NAV2: variants seen among roughly 807,000 people sequenced by gnomAD.
The protein encoded by NAV2 is helicase, APC down-regulated 1.
In NAV2, 54 loss-of-function variants were observed where a neutral mutation model predicts 223.2. That is an observed-to-expected ratio of 0.24 (90% CI 0.19 to 0.30). The LOEUF is 0.30. Ranked by LOEUF, NAV2 falls within the 10% of genes least tolerant of loss-of-function variation. The pLI is 1.00. For missense variants in NAV2, 2,806 were observed against 3,147.5 expected (o/e 0.89, Z 2.60); for synonymous variants, 1,279 against 1,239.3 (o/e 1.03, Z -0.67).
chr11:19,354,361 G>A (rs1214264854), intron 1 of NAV2, among the ~76,000 whole-genome samples: 2 of 152,186 alleles, frequency 1.3e-5, no homozygotes, highest in East Asian at 3.9e-4. Context: ...TACTAGTGTG[G>A]CCAAATTTTA....
At chr11:19,643,595 T>C (rs1212859955) in intron 1 of NAV2, among the ~76,000 whole-genome samples, 2 of 152,206 alleles carry the variant, frequency 1.3e-5, no homozygotes, top group Non-Finnish European at 2.9e-5. Context: ...TCCAAGTCTT[T>C]GTAATTGTGA....
intron 26 of NAV2, among the ~76,000 whole-genome samples, chr11:20,086,018 G>C (rs2060420573): frequency 6.6e-6 from 1 of 152,212 alleles, no homozygotes; most frequent in Non-Finnish European, 1.5e-5. Context: ...CAAGGAGCCT[G>C]ATGTAGAAAC....
intron 1 of NAV2, among the ~76,000 whole-genome samples, chr11:19,407,228 A>G (rs1259420245): frequency 1.3e-5 from 2 of 152,220 alleles, no homozygotes; most frequent in African/African-American, 4.8e-5. Context: ...TGGAAAGACC[A>G]CAAACAAGGC....
chr11:19,496,724 T>C (rs1423922514), intron 1 of NAV2, among the ~76,000 whole-genome samples: 3 of 152,160 alleles, frequency 2.0e-5, no homozygotes, highest in African/African-American at 7.2e-5. Flanking sequence ...AGGACTGTCT[T>C]AGAGGCTGGC....
intron 32 of NAV2, 126 bp downstream of exon 32, chr11:20,101,298 G>A: frequency 1.4e-6 from 1 of 732,210 alleles, no homozygotes; most frequent in Non-Finnish European, 2.3e-6. Flanking sequence ...AAAGCCAAGT[G>A]AAAGAGGTCC....
At chr11:19,798,804 A>T (rs1324536547) in intron 1 of NAV2, among the ~76,000 whole-genome samples, 1 of 152,172 alleles carries the variant, frequency 6.6e-6, no homozygotes, top group African/African-American at 2.4e-5. Flanking sequence ...GAGATTTTAA[A>T]ATCTAGGTTT....
intron 8 of NAV2, among the ~76,000 whole-genome samples, chr11:19,943,971 G>A (rs986262404): frequency 2.6e-5 from 4 of 152,072 alleles, no homozygotes; most frequent in African/African-American, 9.7e-5. Context: ...GCCGAGGTGG[G>A]TGGATCACCT....
rs921332722 is a variant in NAV2 at position 19,850,933 on chromosome 11, G to C, written c.438+8010G>C. On this transcript the variant is annotated intron_variant, in intron 3 of 37. Transcript: ENST00000349880. ...CTTAGACCTTGATGCCATTTAATGT[G>C]CTCTGCCAGGGGCCAGCTGTGGGTT... Among the ~76,000 whole-genome samples the C allele has an allele frequency of 4.6e-5, 7 of 152,142 alleles. No individual in the cohort carries two copies. In the East Asian group the frequency reaches 1.3e-3, roughly 29 times the overall value.
intron 1 of NAV2, among the ~76,000 whole-genome samples, chr11:19,697,301 T>A (rs183032209): frequency 6.6e-6 from 1 of 152,106 alleles, no homozygotes; most frequent in East Asian, 1.9e-4. Flanking sequence ...GAGGTGGGCA[T>A]GGGCTGAAGA....
intron 15 of NAV2, 100 bp from the exon 16 acceptor site, chr11:20,049,736 A>T: frequency 8.9e-7 from 1 of 1,129,664 alleles, no homozygotes; most frequent in East Asian, 2.3e-5. Flanking sequence ...GAAGAAAGCG[A>T]GGATCAGCAT....
chr11:19,715,813 A>G (rs769553055), intron 1 of NAV2, among the ~76,000 whole-genome samples: 4 of 152,016 alleles, frequency 2.6e-5, no homozygotes, highest in Admixed American at 6.6e-5. Context: ...CTCGCCCTCA[A>G]TGGGCCCTTG....
intron 1 of NAV2, among the ~76,000 whole-genome samples, chr11:19,383,820 G>T (rs940820247): frequency 2.0e-5 from 3 of 152,230 alleles, no homozygotes; most frequent in Non-Finnish European, 2.9e-5. Flanking sequence ...TGAGAGAGTA[G>T]TTAGACAATA....
intron 10 of NAV2, among the ~76,000 whole-genome samples, chr11:19,972,596 G>A (rs955766832): frequency 6.6e-6 from 1 of 152,168 alleles, no homozygotes; most frequent in Admixed American, 6.5e-5. Flanking sequence ...CTTTGTGTTT[G>A]TACATGCGTG....
intron 10 of NAV2, chr11:19,981,389 A>G (rs2050270206): frequency 1.3e-5 from 2 of 152,210 alleles, no homozygotes; most frequent in Admixed American, 1.3e-4. Flanking sequence ...ACCAGGCCCC[A>G]CAGTCTGGCC....
At chr11:19,496,382 G>A (rs535171950) in intron 1 of NAV2, among the ~76,000 whole-genome samples, 2 of 152,248 alleles carry the variant, frequency 1.3e-5, no homozygotes, top group East Asian at 3.9e-4. Context: ...ATGTTTTCTG[G>A]GGCTGCATTC....
At chr11:20,024,403 C>T (rs1334543259) in intron 11 of NAV2, among the ~76,000 whole-genome samples, 1 of 152,122 alleles carries the variant, frequency 6.6e-6, no homozygotes, top group Non-Finnish European at 1.5e-5. Context: ...AGGCCAGTGA[C>T]CTTGGAGCTG....
rs191484378 is a variant in NAV2 at position 19,671,950 on chromosome 11, C to T, written c.76-160534C>T. On this transcript the variant is annotated intron_variant, in intron 1 of 37. Transcript: ENST00000360655. ...GCTTGATTCATGTCCGCAGAAAATG[C>T]CCTGTCTAGAGGGAGAGACATTCAC... 2.0e-3 allele frequency among the ~76,000 whole-genome samples: 305 copies of T among 152,266 alleles called. 2 individuals carry two copies. Among genetic ancestry groups the T allele is most frequent in the African/African-American group, 6.9e-3 (286 of 41,552 alleles).
chr11:19,467,420 G>A (rs1852407425), intron 1 of NAV2, among the ~76,000 whole-genome samples: 1 of 152,104 alleles, frequency 6.6e-6, no homozygotes, highest in Non-Finnish European at 1.5e-5. Context: ...AAGATTTTTA[G>A]AAGTAAGTTA....
intron 3 of NAV2, among the ~76,000 whole-genome samples, chr11:19,857,172 C>G (rs140232089): frequency 8.5e-5 from 13 of 152,344 alleles, no homozygotes; most frequent in African/African-American, 3.1e-4. Context: ...AGAGACATAT[C>G]TACTCCTGAA....
Sources: gnomAD v4.1 joint callset for allele counts (sites outside exome capture counted in the v4.1 genomes callset) on GRCh38, gnomAD v4.1.1 for gene constraint, MANE v1.5 for transcripts, NCBI Gene and HGNC (gene_info 2026-07-23, HGNC 2026-07-21) for gene names.